The following KHDRBS2 variants were observed in gnomAD, a reference collection of about 807,000 sequenced individuals.
The protein encoded by KHDRBS2 is KH RNA binding domain containing, signal transduction associated 2.
Under a neutral mutation model 44.3 loss-of-function variants are expected in KHDRBS2, and 26 were observed. The ratio of observed to expected loss-of-function variants is 0.59; its 90% CI spans 0.43 to 0.81. The LOEUF (loss-of-function observed/expected upper bound fraction) is 0.81. Among genes scored for constraint, KHDRBS2 ranks in the 40% least tolerant of loss-of-function variants. KHDRBS2 has a pLI of 0.00. For synonymous variants in KHDRBS2, 194 were observed against 151.1 expected, an observed-to-expected ratio of 1.28 and a Z score of -2.08; for missense variants, 476 against 433.1, an observed-to-expected ratio of 1.10 and a Z score of -0.88.
At chr6:61,990,383 A>C (rs930428646) in intron 3 of KHDRBS2, among the ~76,000 whole-genome samples, 16 of 152,192 alleles carry the variant, frequency 1.1e-4, no homozygotes, top group Admixed American at 9.2e-4. Flanking sequence ...CTACAAAGAG[A>C]GATAAGAAAT....
chr6:61,609,732 A>G, the KHDRBS2 span, among the ~76,000 whole-genome samples: 2 of 152,228 alleles, frequency 1.3e-5, no homozygotes, highest in Non-Finnish European at 2.9e-5. Flanking sequence ...TAGAAGTCAT[A>G]TAAATAATCC....
chr6:61,951,998 T>C (rs1764852425), intron 4 of KHDRBS2, among the ~76,000 whole-genome samples: 1 of 152,084 alleles, frequency 6.6e-6, no homozygotes, highest in South Asian at 2.1e-4. Context: ...AATTCTGAAA[T>C]TATACTAAAA....
At chr6:61,860,805 C>A (rs1796837677) in intron 6 of KHDRBS2, among the ~76,000 whole-genome samples, 2 of 152,040 alleles carry the variant, frequency 1.3e-5, no homozygotes, top group Admixed American at 6.6e-5. Flanking sequence ...CTGTCTTTCA[C>A]AATGGTTGAA....
At chr6:61,913,207 A>T (rs1351187792) in intron 4 of KHDRBS2, among the ~76,000 whole-genome samples, 2 of 152,132 alleles carry the variant, frequency 1.3e-5, no homozygotes, top group African/African-American at 2.4e-5. Context: ...ATTCTTTTTC[A>T]TCCAATAAGA....
Position 62,092,970 on chromosome 6 carries a change from T to C in KHDRBS2, c.220-44976A>G, listed in dbSNP as rs565174072. Among the ~76,000 whole-genome samples the C allele has an allele frequency of 1.6e-4, 25 of 152,052 alleles. No homozygotes were observed. In the South Asian group the frequency reaches 3.7e-3, roughly 23 times the overall value. ...AGGGCTGATAGCAAGATTAAATGAG[T>C]TTTATATTATGGTTTTATTTAATAC... On this transcript the variant is annotated intron_variant, in intron 2 of 8. Transcript: ENST00000281156.
chr6:62,213,682 G>T (rs1480999493), intron 1 of KHDRBS2, among the ~76,000 whole-genome samples: 1 of 151,710 alleles, frequency 6.6e-6, no homozygotes. Context: ...AGACCATCCT[G>T]GCTAACACGG....
the KHDRBS2 span, among the ~76,000 whole-genome samples, chr6:61,591,369 C>A: frequency 1.3e-5 from 2 of 152,030 alleles, no homozygotes; most frequent in Admixed American, 6.6e-5. Flanking sequence ...ATTAGAAAAC[C>A]AAAACCATTA....
chr6:61,970,454 C>T (rs1453060004), intron 4 of KHDRBS2, among the ~76,000 whole-genome samples: 1 of 152,060 alleles, frequency 6.6e-6, no homozygotes, highest in Non-Finnish European at 1.5e-5. Flanking sequence ...AGGTGAACTA[C>T]AGCTCTCATT....
chr6:62,264,579 C>T (rs1406396878), intron 1 of KHDRBS2, among the ~76,000 whole-genome samples: 1 of 151,628 alleles, frequency 6.6e-6, no homozygotes, highest in Non-Finnish European at 1.5e-5. Context: ...CAACAGGCCT[C>T]TCTTTTTGCA....
the KHDRBS2 span, among the ~76,000 whole-genome samples, chr6:61,671,029 G>A: frequency 6.6e-6 from 1 of 151,604 alleles, no homozygotes; most frequent in Non-Finnish European, 1.5e-5. Context: ...ACACTGAGAA[G>A]ATAGGAGCAT....
At chr6:62,140,392 G>C (rs1243093170) in intron 2 of KHDRBS2, among the ~76,000 whole-genome samples, 1 of 152,190 alleles carries the variant, frequency 6.6e-6, no homozygotes, top group East Asian at 1.9e-4. Flanking sequence ...CAGCTAAATA[G>C]AGGATGCATT....
chr6:62,125,291 G>C (rs1808695775), intron 2 of KHDRBS2, among the ~76,000 whole-genome samples: 1 of 152,196 alleles, frequency 6.6e-6, no homozygotes, highest in Non-Finnish European at 1.5e-5. Flanking sequence ...GGCTTCCATA[G>C]TGGGAGGATT....
At chr6:62,264,632 A>G (rs1365594281) in intron 1 of KHDRBS2, among the ~76,000 whole-genome samples, 1 of 151,754 alleles carries the variant, frequency 6.6e-6, no homozygotes, top group Non-Finnish European at 1.5e-5. Flanking sequence ...TGATCTTATT[A>G]TTATTGTGAC....
At chr6:61,830,370 CCTAT>C (rs2127261407) in intron 6 of KHDRBS2, among the ~76,000 whole-genome samples, 1 of 152,236 alleles carries the variant, frequency 6.6e-6, no homozygotes, top group East Asian at 1.9e-4. Flanking sequence ...TTCTCTGATA[CCTAT>C]CTAAGTCTTC....
intron 6 of KHDRBS2, among the ~76,000 whole-genome samples, chr6:61,840,854 T>A (rs1361132941): frequency 6.6e-6 from 1 of 152,174 alleles, no homozygotes; most frequent in Admixed American, 6.6e-5. Flanking sequence ...AGCTCTCATG[T>A]TTCATTCCCG....
the KHDRBS2 span, among the ~76,000 whole-genome samples, chr6:61,572,548 G>C: frequency 6.6e-6 from 1 of 152,044 alleles, no homozygotes; most frequent in Non-Finnish European, 1.5e-5. Context: ...TATCCCTGAT[G>C]AATACAGATG....
chr6:62,005,481 C>G (rs796852090), intron 3 of KHDRBS2, among the ~76,000 whole-genome samples: 63 of 151,724 alleles, frequency 4.2e-4, no homozygotes, highest in African/African-American at 1.4e-3. Flanking sequence ...TTTCAGAGAG[C>G]TATCTCCTAG....
chr6:61,955,773 A>G (rs1244434684), intron 4 of KHDRBS2, among the ~76,000 whole-genome samples: 3 of 151,730 alleles, frequency 2.0e-5, no homozygotes, highest in Non-Finnish European at 4.4e-5. Flanking sequence ...GAATGTAACC[A>G]CTGGCATTTA....
chr6:62,163,506 G>GT (rs1818060747), intron 2 of KHDRBS2, among the ~76,000 whole-genome samples: 1 of 151,926 alleles, frequency 6.6e-6, no homozygotes, highest in African/African-American at 2.4e-5. Flanking sequence ...ACATTTAGCC[G>GT]TATGACCTAT....
Sources: allele counts gnomAD v4.1 joint callset (sites outside exome capture counted in the v4.1 genomes callset), GRCh38; gene constraint gnomAD v4.1.1; transcripts MANE v1.5; gene names NCBI Gene and HGNC (gene_info 2026-07-23, HGNC 2026-07-21).